The following GPR174 variants were observed in gnomAD, a reference collection of about 807,000 sequenced individuals.
The protein encoded by GPR174 is G protein-coupled receptor 174.
Under a neutral mutation model 16.5 loss-of-function variants are expected in GPR174, and 8 were observed. That is an observed-to-expected ratio of 0.48 (90% CI 0.28 to 0.87). GPR174 has a LOEUF of 0.87. GPR174 is among the 40% of genes least tolerant of loss of function. The probability of loss-of-function intolerance (pLI) is 0.09; values close to 1 mark genes in which losing one functional copy is unlikely to be tolerated. For synonymous variants in GPR174, 111 were observed against 94.8 expected, an observed-to-expected ratio of 1.17 and a Z score of -0.99; for missense variants, 214 against 247.5, an observed-to-expected ratio of 0.86 and a Z score of 0.91.
chrX:79,172,085 A>C lies in GPR174; in HGVS notation c.*76A>C, dbSNP rs1921532862. 8 of 1,022,351 alleles carry C rather than the reference A, an allele frequency of 7.8e-6. No homozygotes were observed. The East Asian group carries it at 2.5e-4, about 32-fold the overall frequency. 84.3% of individuals were successfully genotyped at this position (1,022,351 alleles called of 1,213,427 possible). A position where few individuals can be genotyped will look rare whatever the true frequency, so the allele number is the denominator to read the frequency against. On this transcript the variant is annotated 3_prime_UTR_variant, in exon 3 of 3. Transcript: ENST00000645147. ...ATCTGCAATACCCAAGCCACAGGGA[A>C]GAACTTGCAAAACAACACAGCTTTT...
intron 2 of GPR174, among the ~76,000 whole-genome samples, chrX:79,161,183 T>C (rs1010606553): frequency 8.9e-6 from 1 of 112,107 alleles, no homozygotes; most frequent in Non-Finnish European, 1.9e-5. Context: ...GTTATGTTTC[T>C]AATCTCTTTG....
Position 79,171,415 on chromosome X carries a change from C to T in GPR174, c.408C>T (p.Tyr136=). The T allele has an allele frequency of 5.0e-6, 6 of 1,211,721 alleles. No individual in the cohort carries two copies. Among genetic ancestry groups the T allele is most frequent in the Non-Finnish European group, 6.7e-6 (6 of 895,417 alleles). The change falls in exon 3 of 3, where the codon TAC becomes TAT. Residue 136 remains tyrosine (Y), a synonymous_variant. Coordinates refer to ENST00000645147, the MANE Select transcript of GPR174 (RefSeq NM_032553.3). ...FHDCKQKYDL[Y]ISIAGWLIIC... Reference sequence around the variant, plus strand: ...ACTGCAAACAGAAATATGACCTGTACATCAGCATTGCTGGCTGGCTGATCA... The same window carrying T: ...ACTGCAAACAGAAATATGACCTGTATATCAGCATTGCTGGCTGGCTGATCA...
intron 2 of GPR174, among the ~76,000 whole-genome samples, chrX:79,169,925 C>A (rs945389754): frequency 8.9e-6 from 1 of 111,960 alleles, no homozygotes; most frequent in Admixed American, 9.5e-5. Context: ...AGGACAAATG[C>A]TGGGCTGGCT....
At position 79,171,091 on chromosome X, in the gene GPR174, C is replaced by A; in HGVS notation, c.84C>A (p.Val28=). 8.3e-7 allele frequency: 1 copy of A among 1,207,039 alleles called. No homozygotes were observed. Among genetic ancestry groups the A allele is most frequent in the African/African-American group, 1.7e-5 (1 of 57,779 alleles). ...RYFIYAVTYT[V]ILVPGLIGNI... ...TTATTTATGCAGTGACATACACTGT[C>A]ATTCTTGTGCCAGGTCTCATAGGGA... The change falls in exon 3 of 3, where the codon GTC becomes GTA. Residue 28 remains valine, a synonymous_variant. Transcript: ENST00000645147.
intron 2 of GPR174, among the ~76,000 whole-genome samples, chrX:79,167,459 C>CT (rs78546778): frequency 0.012 from 1,285 of 104,411 alleles, 12 homozygotes; most frequent in Non-Finnish European, 0.019. Context: ...TGCAGCCTAA[C>CT]TTTTTTTTTT....
chrX:79,166,677 C>T (rs1220262103), intron 2 of GPR174, among the ~76,000 whole-genome samples: 1 of 108,775 alleles, frequency 9.2e-6, no homozygotes, highest in East Asian at 2.9e-4. Context: ...CCCCGTGATC[C>T]GCCAGACTTG....
intron 2 of GPR174, among the ~76,000 whole-genome samples, chrX:79,168,500 AGCAATTTGG>A (rs1290642571): frequency 9.5e-6 from 1 of 105,250 alleles, no homozygotes; most frequent in Non-Finnish European, 2.0e-5. Context: ...GGAGGTGGAG[AGCAATTTGG>A]GCAACAAAGC....
intron 2 of GPR174, among the ~76,000 whole-genome samples, chrX:79,163,373 G>C (rs2147455590): frequency 8.9e-6 from 1 of 111,929 alleles, no homozygotes; most frequent in South Asian, 3.7e-4. Context: ...GTTTACTTTT[G>C]CCAGCAGGAT....
At chrX:79,148,637 G>A (rs181383453) in intron 1 of GPR174, among the ~76,000 whole-genome samples, 73 of 110,851 alleles carry the variant, frequency 6.6e-4, no homozygotes, top group African/African-American at 2.1e-3. Context: ...TCCTACCTCA[G>A]CCTCCCAAGG....
chrX:79,147,221 T>C (rs968089050), intron 1 of GPR174, among the ~76,000 whole-genome samples: 5 of 111,327 alleles, frequency 4.5e-5, no homozygotes, highest in African/African-American at 1.6e-4. Flanking sequence ...AGTATCTCTG[T>C]CTGTCTGTGA....
intron 1 of GPR174, among the ~76,000 whole-genome samples, chrX:79,145,449 A>G (rs891709585): frequency 1.8e-5 from 2 of 111,683 alleles, no homozygotes; most frequent in African/African-American, 3.3e-5. Context: ...TTGGGAAAAT[A>G]TAAGTTTGAC....
intron 2 of GPR174, among the ~76,000 whole-genome samples, chrX:79,165,278 C>T (rs188182663): frequency 1.3e-3 from 119 of 90,185 alleles, no homozygotes; most frequent in African/African-American, 4.6e-3. Context: ...CACGGGTAAA[C>T]GTGGAGGAAT....
chrX:79,166,425 C>CTTTTTTTTTTTTTTTTTT (rs1569281344), intron 2 of GPR174, among the ~76,000 whole-genome samples: 1 of 42,539 alleles, frequency 2.4e-5, no homozygotes, highest in Non-Finnish European at 4.3e-5. Flanking sequence ...TTTTTCTTTT[C>CTTTTTTTTTTTTTTTTTT]TTTTTTCTTT....
chrX:79,151,240 C>T (rs1473095467), intron 1 of GPR174, among the ~76,000 whole-genome samples: 1 of 111,338 alleles, frequency 9.0e-6, no homozygotes, highest in Non-Finnish European at 1.9e-5. Flanking sequence ...GGCAAGATGC[C>T]TTACATCATT....
At chrX:79,169,295 A>AT (rs1480969199) in intron 2 of GPR174, among the ~76,000 whole-genome samples, 3 of 111,580 alleles carry the variant, frequency 2.7e-5, no homozygotes, top group Non-Finnish European at 5.7e-5. Flanking sequence ...TAAAATATGG[A>AT]TTTTTTCTTG....
At chrX:79,164,819 G>A (rs1425582364) in intron 2 of GPR174, among the ~76,000 whole-genome samples, 2 of 111,203 alleles carry the variant, frequency 1.8e-5, no homozygotes, top group Non-Finnish European at 3.8e-5. Flanking sequence ...TGTGCCACTA[G>A]GGGAGGCTTA....
intron 2 of GPR174, among the ~76,000 whole-genome samples, chrX:79,164,100 G>C (rs1419403470): frequency 9.0e-6 from 1 of 111,100 alleles, no homozygotes; most frequent in East Asian, 2.8e-4. Flanking sequence ...TATAGACTTA[G>C]AGTAGACTGA....
At chrX:79,164,427 A>C (rs750656218) in intron 2 of GPR174, among the ~76,000 whole-genome samples, 4 of 111,979 alleles carry the variant, frequency 3.6e-5, no homozygotes, top group Admixed American at 9.5e-5. Flanking sequence ...GATTACTTAA[A>C]GAGTCCAGCC....
chrX:79,151,331 T>C (rs967387486), intron 1 of GPR174, among the ~76,000 whole-genome samples: 8 of 111,690 alleles, frequency 7.2e-5, no homozygotes, highest in African/African-American at 2.3e-4. Context: ...TGCCCAGTGA[T>C]ATACAACTGT....
Sources: allele counts gnomAD v4.1 joint callset (sites outside exome capture counted in the v4.1 genomes callset), GRCh38; gene constraint gnomAD v4.1.1; transcripts MANE v1.5; gene names NCBI Gene and HGNC (gene_info 2026-07-23, HGNC 2026-07-21).